Variants in PRR16 observed in about 807,000 individuals in gnomAD.
PRR16 encodes protein Largen.
Under a neutral mutation model 18.2 loss-of-function variants are expected in PRR16, and 6 were observed. The ratio of observed to expected loss-of-function variants is 0.33; its 90% confidence interval spans 0.18 to 0.65. PRR16 has a LOEUF of 0.65. Ranked by LOEUF, PRR16 falls within the 30% of genes least tolerant of loss-of-function variation. The pLI is 0.74. For synonymous variants in PRR16, 151 were observed against 147.8 expected (o/e 1.02, Z -0.16); for missense variants, 412 against 376.6 (o/e 1.09, Z -0.78).
intron 1 of PRR16, among the ~76,000 whole-genome samples, chr5:120,531,754 G>T (rs1751558461): frequency 6.6e-6 from 1 of 152,052 alleles, no homozygotes; most frequent in African/African-American, 2.4e-5. Context: ...AAAAATCACA[G>T]AAAGGGAATA....
intron 1 of PRR16, among the ~76,000 whole-genome samples, chr5:120,623,505 T>A (rs1255134717): frequency 6.6e-6 from 1 of 152,164 alleles, no homozygotes; most frequent in Non-Finnish European, 1.5e-5. Context: ...CAGTTTCTTC[T>A]TGTGCAAAAT....
At chr5:120,531,370 C>T (rs12523269) in intron 1 of PRR16, 32,520 of 151,858 alleles carry the variant, frequency 0.21, 4,012 homozygotes, top group African/African-American at 0.34. Flanking sequence ...AAGGATCGTT[C>T]GGGGAAGCTT....
intron 1 of PRR16, among the ~76,000 whole-genome samples, chr5:120,607,861 T>A (rs893845386): frequency 4.6e-5 from 7 of 151,884 alleles, no homozygotes; most frequent in African/African-American, 7.3e-5. Flanking sequence ...TCTAAGACAT[T>A]CTCACCCTTC....
chr5:120,486,255 C>G (rs1018970771), intron 1 of PRR16, among the ~76,000 whole-genome samples: 1 of 152,308 alleles, frequency 6.6e-6, no homozygotes, highest in Middle Eastern at 3.4e-3. Flanking sequence ...AACTAGTTTA[C>G]AGTTCCAACA....
At chr5:120,592,535 G>A (rs1753670071) in intron 1 of PRR16, among the ~76,000 whole-genome samples, 1 of 152,132 alleles carries the variant, frequency 6.6e-6, no homozygotes, top group South Asian at 2.1e-4. Flanking sequence ...TAGGCTTTCG[G>A]TGAGTGACAG....
intron 1 of PRR16, among the ~76,000 whole-genome samples, chr5:120,595,548 G>C (rs1055215843): frequency 2.0e-5 from 3 of 151,878 alleles, no homozygotes; most frequent in Non-Finnish European, 4.4e-5. Context: ...GACAATTTAT[G>C]AGGGAGAAGA....
At chr5:120,789,837 C>G in the PRR16 span, 3 of 152,056 alleles carry the variant, frequency 2.0e-5, no homozygotes, top group Non-Finnish European at 4.4e-5. Flanking sequence ...TGTAAATAAT[C>G]TAAGATTATT....
At chr5:120,471,680 T>C (rs974088985) in intron 1 of PRR16, among the ~76,000 whole-genome samples, 4 of 152,146 alleles carry the variant, frequency 2.6e-5, no homozygotes, top group Non-Finnish European at 4.4e-5. Flanking sequence ...TGTTTTCTTT[T>C]CCAGTATGTT....
intron 1 of PRR16, among the ~76,000 whole-genome samples, chr5:120,646,041 A>G (rs1205081679): frequency 2.1e-5 from 1 of 47,340 alleles, no homozygotes; most frequent in African/African-American, 6.6e-5. Flanking sequence ...AAAAAAAAAT[A>G]CATATTTTAT....
At chr5:120,755,676 T>A in the PRR16 span, among the ~76,000 whole-genome samples, 2 of 152,142 alleles carry the variant, frequency 1.3e-5, no homozygotes, top group Non-Finnish European at 2.9e-5. Context: ...TTATTGTGAA[T>A]AATGCTGTGA....
intron 1 of PRR16, among the ~76,000 whole-genome samples, chr5:120,495,303 T>A (rs1345057033): frequency 6.6e-6 from 1 of 152,094 alleles, no homozygotes; most frequent in Non-Finnish European, 1.5e-5. Flanking sequence ...TTTCTACCTA[T>A]TTTTTTGAGT....
chr5:120,672,500 A>G (rs1166199967), intron 1 of PRR16, among the ~76,000 whole-genome samples: 3 of 149,238 alleles, frequency 2.0e-5, no homozygotes, highest in Admixed American at 1.3e-4. Flanking sequence ...GCAATTGCAA[A>G]TTAATTAAAG....
rs758988449 is a variant in PRR16 at position 120,686,095 on chromosome 5, G to A, written c.301G>A (p.Ala101Thr). The A allele has an allele frequency of 8.1e-6, 13 of 1,614,052 alleles. No individual in the cohort carries two copies. In the South Asian group the frequency reaches 1.3e-4, roughly 16 times the overall value. ...SLEKIKVQAN[A>T]PLIKPPAHPS... The stretch of plus-strand genomic sequence containing the variant: ...AGAGAAGATCAAAGTGCAGGCTAAT[G>A]CACCGCTTATTAAACCCCCAGCACA... Residue 101 changes from alanine to threonine, a missense_variant, in exon 2 of 2, where the codon GCA becomes ACA. Physicochemically the swap from Ala to Thr is moderately conservative, Grantham distance 58 (BLOSUM62 0). Transcript: ENST00000407149.
the PRR16 span, among the ~76,000 whole-genome samples, chr5:120,714,329 G>A: frequency 1.3e-5 from 2 of 152,100 alleles, no homozygotes; most frequent in African/African-American, 4.8e-5. Flanking sequence ...TGCCAACATT[G>A]ACTTGGAGTG....
intron 1 of PRR16, among the ~76,000 whole-genome samples, chr5:120,470,610 A>T (rs1402223695): frequency 6.6e-6 from 1 of 152,062 alleles, no homozygotes; most frequent in Non-Finnish European, 1.5e-5. Context: ...CCAGCTTTTC[A>T]TGGTTATTAA....
chr5:120,726,196 G>A, the PRR16 span, among the ~76,000 whole-genome samples: 1 of 152,224 alleles, frequency 6.6e-6, no homozygotes, highest in East Asian at 1.9e-4. Context: ...AAGTTGGGAT[G>A]TAAATAGTTC....
At chr5:120,659,103 C>A (rs914731641) in intron 1 of PRR16, among the ~76,000 whole-genome samples, 2 of 151,870 alleles carry the variant, frequency 1.3e-5, no homozygotes, top group Admixed American at 6.6e-5. Context: ...CTTTAAAATG[C>A]TCAAAGGGTT....
At position 120,686,285 on chromosome 5, in the gene PRR16, A is replaced by T; in HGVS notation, c.491A>T (p.Asn164Ile). Reference sequence around the variant, plus strand: ...AATGGAGGCTTACCAGGTGGACCTAACAAAATTCCAAATGGAGATATCTGC... The same window carrying T: ...AATGGAGGCTTACCAGGTGGACCTATCAAAATTCCAAATGGAGATATCTGC... ...LRNGGLPGGP[N>I]KIPNGDICCI... The change falls in exon 2 of 2, where the codon AAC becomes ATC. Residue 164 changes from asparagine to isoleucine, a missense_variant. By Grantham distance (149) the Asn-to-Ile change is moderately radical (BLOSUM62 -3). Transcript: ENST00000407149. 1 of 1,614,142 alleles carries T rather than the reference A, an allele frequency of 6.2e-7. No homozygotes were observed. Among genetic ancestry groups the T allele is most frequent in the Admixed American group, 1.7e-5 (1 of 59,998 alleles).
the PRR16 span, among the ~76,000 whole-genome samples, chr5:120,726,268 AGTAATTATCT>A: frequency 2.0e-5 from 3 of 152,108 alleles, no homozygotes; most frequent in East Asian, 5.8e-4. Flanking sequence ...AAACAGCAGT[AGTAATTATCT>A]GTGGATGTCA....
Sources: allele counts gnomAD v4.1 joint callset (sites outside exome capture counted in the v4.1 genomes callset), GRCh38; gene constraint gnomAD v4.1.1; transcripts MANE v1.5; gene names NCBI Gene and HGNC (gene_info 2026-07-23, HGNC 2026-07-21).